The following SOS2 variants were observed in gnomAD, a reference collection of about 807,000 sequenced individuals.
SOS2 encodes SOS Ras/Rho guanine nucleotide exchange factor 2, also known as son of sevenless homolog 2.
SOS2 carries 65 observed loss-of-function variants against 148.2 expected under a neutral mutation model. That is an observed-to-expected ratio of 0.44 (90% confidence interval 0.36 to 0.54). The LOEUF (loss-of-function observed/expected upper bound fraction) is 0.54. SOS2 is among the 20% of genes least tolerant of loss of function. SOS2 has a pLI of 0.00. For synonymous variants in SOS2, 539 were observed against 537.1 expected (o/e 1.00, Z -0.05); for missense variants, 1,341 against 1,590.2 (o/e 0.84, Z 2.67).
Position 50,200,934 on chromosome 14 carries a change from A to G in SOS2, c.345+19T>C. 6.2e-7 allele frequency: 1 copy of G among 1,610,638 alleles called. No homozygotes were observed. Among genetic ancestry groups the G allele is most frequent in the Non-Finnish European group, 8.5e-7 (1 of 1,177,410 alleles). On this transcript the variant is annotated intron_variant, in intron 3 of 22. Transcript: ENST00000216373. ...TGTTATAAAGAACACCCCCCAACTAATGTTTAATCTTTTGTTACCTTCAAC... is the reference window on the plus strand; with the variant it reads ...TGTTATAAAGAACACCCCCCAACTAGTGTTTAATCTTTTGTTACCTTCAAC...
Position 50,159,980 on chromosome 14 carries a change from T to C in SOS2, c.1303A>G (p.Ile435Val), listed in dbSNP as rs2139629847. 1 of 1,614,136 alleles carries C rather than the reference T, an allele frequency of 6.2e-7. No homozygotes were observed. The highest frequency in any genetic ancestry group is 1.1e-5 in the South Asian group (1 of 91,084). The change falls in exon 10 of 23, where the codon ATT becomes GTT. Residue 435 changes from isoleucine to valine, a missense_variant. By Grantham distance (29) the Ile-to-Val change is conservative (BLOSUM62 3). This residue lies in a region of SOS2 where 574 missense variants were observed against 711.1 expected (regional missense o/e 0.81). Transcript: ENST00000216373. ...KNIDGWEGKD[I>V]GQCCNEFIME... Reference sequence around the variant, plus strand: ...ATGAATTCATTACAACACTGTCCAATATCTTTGCCTTCCCATCCATCGATA... The same window carrying C: ...ATGAATTCATTACAACACTGTCCAACATCTTTGCCTTCCCATCCATCGATA...
At chr14:50,168,738 T>C (rs1329103438) in intron 8 of SOS2, among the ~76,000 whole-genome samples, 1 of 152,194 alleles carries the variant, frequency 6.6e-6, no homozygotes, top group Non-Finnish European at 1.5e-5. Context: ...ATGTTAAGCC[T>C]ACTTTGGGAT....
chr14:50,145,405 G>A (rs917187641), intron 15 of SOS2, 72 bp downstream of exon 15: 14 of 1,557,006 alleles, frequency 9.0e-6, no homozygotes, highest in Admixed American at 8.0e-5. Flanking sequence ...ATTATGAGTA[G>A]CCAGAATTTT....
At chr14:50,224,316 C>T (rs12433843) in intron 1 of SOS2, among the ~76,000 whole-genome samples, 5,101 of 16,248 alleles carry the variant, frequency 0.31, 258 homozygotes, top group Middle Eastern at 0.37. Flanking sequence ...TATATATATA[C>T]ACACACACAC....
intron 1 of SOS2, among the ~76,000 whole-genome samples, chr14:50,217,570 T>C (rs985848235): frequency 7.9e-5 from 12 of 152,018 alleles, no homozygotes; most frequent in Non-Finnish European, 1.6e-4. Flanking sequence ...AAAAAATTTC[T>C]AGAAGGGAAA....
intron 4 of SOS2, among the ~76,000 whole-genome samples, chr14:50,197,441 G>A (rs982747085): frequency 1.3e-5 from 2 of 152,108 alleles, no homozygotes; most frequent in African/African-American, 2.4e-5. Context: ...GAAGAACACA[G>A]CACAATTTCT....
chr14:50,205,332 T>C (rs1369976407), intron 1 of SOS2, among the ~76,000 whole-genome samples: 1 of 152,156 alleles, frequency 6.6e-6, no homozygotes, highest in East Asian at 1.9e-4. Flanking sequence ...GATTATAGCA[T>C]GAGCCACTGC....
rs764631414 is a variant in SOS2, at chr14:50,158,552, A to T, written c.1934+13T>A. The T allele has an allele frequency of 2.0e-6, 3 of 1,505,130 alleles. No homozygotes were observed. The highest frequency in any genetic ancestry group is 4.5e-5 in the East Asian group (2 of 44,198). The allele number at this position is 1,505,130 out of a possible 1,614,324, so 93.2% of individuals were successfully genotyped here. On this transcript the variant is annotated intron_variant, in intron 11 of 22. Coordinates refer to ENST00000216373, the MANE Select transcript of SOS2 (RefSeq NM_006939.4). ...CAAAATGTCAATATAACTGAAATAC[A>T]TATTTTTCTTACCGTTCAATCAGTA...
chr14:50,221,451 T>C (rs1007277673), intron 1 of SOS2, among the ~76,000 whole-genome samples: 1 of 152,226 alleles, frequency 6.6e-6, no homozygotes, highest in Non-Finnish European at 1.5e-5. Context: ...TTTTCACAGT[T>C]GCCCTCTCAT....
At chr14:50,201,858 G>A (rs1227123689) in intron 2 of SOS2, among the ~76,000 whole-genome samples, 1 of 152,112 alleles carries the variant, frequency 6.6e-6, no homozygotes, top group African/African-American at 2.4e-5. Context: ...TGTATCTCTT[G>A]GAAGATGAAA....
rs540156080 is a variant in SOS2, at chr14:50,144,720, G to A, written c.2667+450C>T. On this transcript the variant is annotated intron_variant, in intron 16 of 22. Coordinates refer to ENST00000216373, the MANE Select transcript of SOS2 (RefSeq NM_006939.4). ...CCTAAAGTGCTGGGATTACAGGCGT[G>A]AGCCACCACGCCTGGCCAAATTTAA... Among the ~76,000 whole-genome samples the A allele has an allele frequency of 3.7e-4, 56 of 152,296 alleles. No individual in the cohort carries two copies. The East Asian group carries it at 4.6e-3, about 13-fold the overall frequency.
chr14:50,231,226 G>A lies in SOS2; in HGVS notation c.58C>T (p.Arg20Trp). Residue 20 changes from arginine (R) to tryptophan (W), a missense_variant, in exon 1 of 23, where the codon CGG becomes TGG. Arg to Trp is a moderately radical substitution (Grantham distance 101). Around this residue, in one of 4 missense-constraint regions of SOS2, gnomAD observed 574 missense variants for 711.1 expected, o/e 0.81. Coordinates refer to ENST00000216373, the MANE Select transcript of SOS2 (RefSeq NM_006939.4). ...FFSEENSPKW[R>W]GLLVSALRKV... ...CGCAGGGCCGAGACCAACAGTCCCCGCCATTTCGGACTGTTCTCCTCGCTG... is the reference window on the plus strand; with the variant it reads ...CGCAGGGCCGAGACCAACAGTCCCCACCATTTCGGACTGTTCTCCTCGCTG... 6.6e-7 allele frequency: 1 copy of A among 1,511,746 alleles called. No individual in the cohort carries two copies. Among genetic ancestry groups the A allele is most frequent in the Non-Finnish European group, 8.9e-7 (1 of 1,118,592 alleles). The allele number at this position is 1,511,746 out of a possible 1,614,324, so 93.6% of individuals were successfully genotyped here. A position where few individuals can be genotyped will look rare whatever the true frequency, so the allele number is the denominator to read the frequency against.
chr14:50,134,794 C>G (rs1200484115), intron 18 of SOS2, among the ~76,000 whole-genome samples: 1 of 151,996 alleles, frequency 6.6e-6, no homozygotes, highest in Non-Finnish European at 1.5e-5. Flanking sequence ...TGATTATAGG[C>G]CGAGCACGGT....
rs1362498987 is a variant in SOS2, at chr14:50,161,781, TTTTC to T, written c.1069-176_1069-173del. On this transcript the variant is annotated intron_variant, in intron 8 of 22. Transcript: ENST00000216373. ...CCTACTGCCCTCTCAAACCAACCCT[TTTTC>T]TTTCTTTTTTTTTTTTTTTTTTGAA... Among the ~76,000 whole-genome samples, 9 of 109,958 alleles carry T rather than the reference TTTTC, an allele frequency of 8.2e-5. No homozygotes were observed. In the East Asian group the frequency reaches 2.8e-3, roughly 35 times the overall value. The allele number at this position is 109,958 out of a possible 152,430, so 72.1% of individuals were successfully genotyped here. A position where few individuals can be genotyped will look rare whatever the true frequency, so the allele number is the denominator to read the frequency against.
intron 1 of SOS2, among the ~76,000 whole-genome samples, chr14:50,216,527 G>C (rs758131038): frequency 6.6e-6 from 1 of 152,238 alleles, no homozygotes; most frequent in East Asian, 1.9e-4. Flanking sequence ...GGGAGGCCAA[G>C]GCAGGTAGAT....
At chr14:50,226,116 C>A (rs551520672) in intron 1 of SOS2, among the ~76,000 whole-genome samples, 1 of 150,380 alleles carries the variant, frequency 6.6e-6, no homozygotes, top group East Asian at 2.0e-4. Context: ...AGCTTTATAA[C>A]AGCAGGGGCT....
intron 17 of SOS2, 74 bp downstream of exon 17, chr14:50,139,868 C>A: frequency 1.6e-6 from 1 of 644,870 alleles, no homozygotes; most frequent in Non-Finnish European, 2.8e-6. Context: ...ATAAAGATAA[C>A]ATGCCTCTGA....
Position 50,188,537 on chromosome 14 carries a change from C to A in SOS2, c.674G>T (p.Arg225Leu). 1.9e-6 allele frequency: 3 copies of A among 1,600,216 alleles called. No homozygotes were observed. The highest frequency in any genetic ancestry group is 2.5e-6 in the Non-Finnish European group (3 of 1,176,856). Residue 225 changes from arginine (R) to leucine (L), a missense_variant, in exon 5 of 23, where the codon CGA becomes CTA. By Grantham distance (102) the Arg-to-Leu change is moderately radical. Transcript: ENST00000216373. ...CTTTCTATCAGAAAGAAAGGCTTCTCGAAACACTTTTATGATCATATTTAA... is the reference window on the plus strand; with the variant it reads ...CTTTCTATCAGAAAGAAAGGCTTCTAGAAACACTTTTATGATCATATTTAA... Reference protein sequence around the residue: ...RELNMIIKVFREAFLSDRKLF... With the variant: ...RELNMIIKVFLEAFLSDRKLF...
At chr14:50,120,469 G>T in intron 21 of SOS2, 85 bp from the exon 22 acceptor site, 1 of 698,726 alleles carries the variant, frequency 1.4e-6, no homozygotes, top group Non-Finnish European at 2.5e-6. Flanking sequence ...CTTCTACCAT[G>T]GCATTTGTCA....
Sources: gnomAD v4.1 joint callset for allele counts (sites outside exome capture counted in the v4.1 genomes callset) on GRCh38, gnomAD v4.1.1 for gene constraint, gnomAD v4.1.1 regional missense constraint, MANE v1.5 for transcripts, NCBI Gene and HGNC (gene_info 2026-07-23, HGNC 2026-07-21) for gene names.